The following GAPVD1 variants were observed in gnomAD, a reference collection of about 807,000 sequenced individuals.
GAPVD1 encodes the protein GTPase-activating protein and VPS9 domain-containing protein 1.
GAPVD1 carries 35 observed loss-of-function variants against 155.5 expected under a neutral mutation model. The observed-to-expected ratio is 0.23, with a 90% CI of 0.17 to 0.30. GAPVD1 has a LOEUF of 0.30. Ranked by LOEUF, GAPVD1 falls within the 10% of genes least tolerant of loss-of-function variation. GAPVD1 has a pLI of 1.00. For missense variants in GAPVD1, 1,429 were observed against 1,775.7 expected (o/e 0.80, Z 3.51); for synonymous variants, 636 against 619.7 (o/e 1.03, Z -0.39).
chr9:125,302,625 T>C lies in GAPVD1; in HGVS notation c.828T>C (p.Phe276=), dbSNP rs1290682904. The change falls in exon 5 of 28, where the codon TTT becomes TTC. Residue 276 remains phenylalanine, a synonymous_variant. Coordinates refer to ENST00000297933, the MANE Select transcript of GAPVD1 (RefSeq NM_001282680.3). ...IGYLKQNTYC[F]PHSLRWIVSQ... ...ATCTCAAACAGAACACATATTGTTT[T>C]CCACATAGTTTAAGGTGGATCGTGT... is the stretch of plus-strand genomic sequence containing the variant. 1 of 1,614,124 alleles carries C rather than the reference T, an allele frequency of 6.2e-7. No homozygotes were observed. The highest frequency in any genetic ancestry group is 8.5e-7 in the Non-Finnish European group (1 of 1,180,006).
chr9:125,300,326 C>G, intron 4 of GAPVD1, among the ~76,000 whole-genome samples: 1 of 150,064 alleles, frequency 6.7e-6, no homozygotes, highest in East Asian at 2.0e-4. Context: ...GGATTACAGA[C>G]TTGTGCCACC....
At chr9:125,275,723 T>C (rs1835671305) in intron 2 of GAPVD1, among the ~76,000 whole-genome samples, 1 of 152,024 alleles carries the variant, frequency 6.6e-6, no homozygotes, top group Non-Finnish European at 1.5e-5. Flanking sequence ...GCCACTGCAC[T>C]CTAGCCTGGG....
chr9:125,315,343 A>G (rs757690895), intron 9 of GAPVD1, among the ~76,000 whole-genome samples: 8 of 152,340 alleles, frequency 5.3e-5, no homozygotes, highest in Non-Finnish European at 8.8e-5. Flanking sequence ...AACTTTTAAC[A>G]ACAAAGGAAT....
At chr9:125,326,122 A>C (rs184531610) in intron 11 of GAPVD1, among the ~76,000 whole-genome samples, 2 of 152,266 alleles carry the variant, frequency 1.3e-5, no homozygotes, top group East Asian at 1.9e-4. Context: ...AGGAACTTTC[A>C]TATGAGCTTA....
chr9:125,299,124 A>G lies in GAPVD1; in HGVS notation c.185+18A>G, dbSNP rs761332568. On this transcript the variant is annotated intron_variant, in intron 4 of 27. Transcript: ENST00000297933. ...ATAACCAGGTAAAGAGATGATTTTCAGGTTTTAAGTTTTGTGAACCACTAT... is the reference window on the plus strand; with the variant it reads ...ATAACCAGGTAAAGAGATGATTTTCGGGTTTTAAGTTTTGTGAACCACTAT... 9 of 1,467,938 alleles carry G rather than the reference A, an allele frequency of 6.1e-6. No individual in the cohort carries two copies. Among genetic ancestry groups the G allele is most frequent in the Non-Finnish European group, 8.3e-6 (9 of 1,078,770 alleles). 90.9% of individuals were successfully genotyped at this position (1,467,938 alleles called of 1,614,324 possible). A position where few individuals can be genotyped will look rare whatever the true frequency, so the allele number is the denominator to read the frequency against.
At chr9:125,291,112 CCT>C (rs989394410) in intron 2 of GAPVD1, among the ~76,000 whole-genome samples, 2 of 151,894 alleles carry the variant, frequency 1.3e-5, no homozygotes, top group Non-Finnish European at 2.9e-5. Context: ...CATAGGGAGA[CCT>C]CATCTCTCAA....
At chr9:125,330,260 G>T in intron 13 of GAPVD1, 42 bp downstream of exon 13, 2 of 1,400,222 alleles carry the variant, frequency 1.4e-6, no homozygotes, top group East Asian at 2.5e-5. Context: ...TTATACAGAA[G>T]TTTTAATTAA....
chr9:125,261,914 G>C lies in GAPVD1; in HGVS notation c.-244G>C, dbSNP rs1046671383. 6.5e-6 allele frequency: 1 copy of C among 154,194 alleles called. No homozygotes were observed. The highest frequency in any genetic ancestry group is 2.4e-5 in the African/African-American group (1 of 41,500). 9.6% of individuals were successfully genotyped at this position (154,194 alleles called of 1,614,324 possible). On this transcript the variant is annotated 5_prime_UTR_variant, in exon 1 of 28. Transcript: ENST00000297933. ...AGGGCGACGGCTCCGAGGCCGAGTG[G>C]CGGTCCGACAGAGTCCTCCGTGTCC...
Position 125,302,399 on chromosome 9 carries a change from A to G in GAPVD1, c.602A>G (p.His201Arg), listed in dbSNP as rs760826940. ...AAACTTTTCCTCACAGCCACTTTAC[A>G]TGAGCCAATTATGCAACTGCTTGTT... ...SAKLFLTATL[H>R]EPIMQLLVED... Residue 201 changes from histidine to arginine, a missense_variant, in exon 5 of 28, where the codon CAT becomes CGT. His to Arg is a conservative substitution (Grantham distance 29, BLOSUM62 0). Transcript: ENST00000297933. The G allele has an allele frequency of 3.1e-6, 5 of 1,614,076 alleles. No individual in the cohort carries two copies. Among genetic ancestry groups the G allele is most frequent in the Non-Finnish European group, 8.5e-7 (1 of 1,179,990 alleles).
In GAPVD1 at chr9:125,355,670, G is replaced by A; in HGVS notation, c.3784G>A (p.Asp1262Asn). 4 of 1,612,798 alleles carry A rather than the reference G, an allele frequency of 2.5e-6. No individual in the cohort carries two copies. Among genetic ancestry groups the A allele is most frequent in the Non-Finnish European group, 2.5e-6 (3 of 1,179,022 alleles). The change falls in exon 25 of 28, where the codon GAT becomes AAT. Residue 1262 changes from aspartate (D) to asparagine (N), a missense_variant. This residue lies in a region of GAPVD1 where 699 missense variants were observed against 826.0 expected (regional missense o/e 0.85). Transcript: ENST00000297933. The part of the protein sequence containing the change: ...QDFQKLTAAD[D>N]KTAQVEDFLQ... ...CTTTCAGAAACTCACCGCAGCTGACGATAAAACTGCTCAGGTAGAAGATTT... is the reference window on the plus strand; with the variant it reads ...CTTTCAGAAACTCACCGCAGCTGACAATAAAACTGCTCAGGTAGAAGATTT...
At chr9:125,293,950 G>A (rs1212915507) in intron 2 of GAPVD1, among the ~76,000 whole-genome samples, 2 of 135,120 alleles carry the variant, frequency 1.5e-5, no homozygotes, top group Admixed American at 1.7e-4. Flanking sequence ...GTCTCACTCT[G>A]TTGCCAGTCT....
chr9:125,349,432 A>T lies in GAPVD1; in HGVS notation c.3212A>T (p.Asp1071Val). ...GAAAGTGCACATGATTCTCCCCGTG[A>T]CGAAGCACTGCAGAACATCTCGGCT... Reference protein sequence around the residue: ...DGESAHDSPRDEALQNISADD... With the variant: ...DGESAHDSPRVEALQNISADD... Residue 1071 changes from aspartate (D) to valine (V), a missense_variant, in exon 21 of 28, where the codon GAC becomes GTC. Physicochemically the swap from Asp to Val is radical, Grantham distance 152. This residue lies in a region of GAPVD1 where 699 missense variants were observed against 826.0 expected (regional missense o/e 0.85). Transcript: ENST00000297933. The T allele has an allele frequency of 6.2e-7, 1 of 1,613,950 alleles. No individual in the cohort carries two copies.
chr9:125,269,323 G>T (rs1048370818), intron 2 of GAPVD1, among the ~76,000 whole-genome samples: 1 of 151,922 alleles, frequency 6.6e-6, no homozygotes, highest in Non-Finnish European at 1.5e-5. Context: ...CTTTTGGGAG[G>T]CTGTTTTTTT....
intron 17 of GAPVD1, 133 bp downstream of exon 17, chr9:125,337,724 C>A: frequency 2.1e-6 from 2 of 936,862 alleles, no homozygotes; most frequent in Non-Finnish European, 1.6e-6. Context: ...ATTTGTCAAT[C>A]TATGGGCCCA....
chr9:125,326,662 G>A (rs1845221358), intron 12 of GAPVD1, 73 bp downstream of exon 12: 6 of 1,024,448 alleles, frequency 5.9e-6, no homozygotes, highest in South Asian at 5.5e-5. Context: ...ATGGGAGGGA[G>A]CACCAGTGCC....
chr9:125,345,654 T>G (rs556004868), intron 19 of GAPVD1, among the ~76,000 whole-genome samples: 2 of 152,330 alleles, frequency 1.3e-5, no homozygotes, highest in Admixed American at 6.5e-5. Context: ...GCATGCTACT[T>G]AAGCTGTCTA....
intron 17 of GAPVD1, among the ~76,000 whole-genome samples, chr9:125,339,927 G>A (rs1847597435): frequency 2.6e-5 from 4 of 152,252 alleles, no homozygotes. Context: ...TTTATCCCAG[G>A]TATGTAGATG....
chr9:125,347,971 C>G (rs534679269), intron 20 of GAPVD1, among the ~76,000 whole-genome samples: 17 of 152,156 alleles, frequency 1.1e-4, no homozygotes, highest in Non-Finnish European at 2.5e-4. Context: ...TACCCTCTAT[C>G]TAGACTTATC....
chr9:125,292,088 T>A lies in GAPVD1; in HGVS notation c.-149-3370T>A, dbSNP rs189851516. 2.9e-3 allele frequency among the ~76,000 whole-genome samples: 434 copies of A among 152,038 alleles called. 3 individuals carry two copies. The highest frequency in any genetic ancestry group is 0.01 in the African/African-American group (417 of 41,480). ...CTCTGTCTCCACAAAAAGCAAATTT[T>A]AAAAATTAGCTGGCTGTAGTGTCAT... On this transcript the variant is annotated intron_variant, in intron 2 of 27. Coordinates refer to ENST00000297933, the MANE Select transcript of GAPVD1 (RefSeq NM_001282680.3).
Sources: allele counts gnomAD v4.1 joint callset (sites outside exome capture counted in the v4.1 genomes callset), GRCh38; gene constraint gnomAD v4.1.1; regional missense constraint gnomAD v4.1.1; transcripts MANE v1.5; gene names NCBI Gene and HGNC (gene_info 2026-07-23, HGNC 2026-07-21).